Variants in SYNDIG1 observed in about 807,000 individuals in gnomAD.
SYNDIG1 encodes the protein synapse differentiation inducing 1, also known as synapse differentiation-inducing gene protein 1.
A neutral mutation model predicts 19.4 loss-of-function variants in SYNDIG1; 9 were observed. That is an observed-to-expected ratio of 0.46 (90% CI 0.28 to 0.81). The LOEUF is 0.81. Among genes scored for constraint, SYNDIG1 ranks in the 30% least tolerant of loss-of-function variants. The pLI is 0.12. For missense variants in SYNDIG1, 311 were observed against 343.3 expected (o/e 0.91, Z 0.74); for synonymous variants, 141 against 145.9 (o/e 0.97, Z 0.24).
intron 3 of SYNDIG1, among the ~76,000 whole-genome samples, chr20:24,657,239 C>G (rs897703613): frequency 3.3e-5 from 5 of 152,164 alleles, no homozygotes; most frequent in African/African-American, 9.7e-5. Context: ...TAGCAGCTGC[C>G]CGGTCCAGCA....
intron 3 of SYNDIG1, among the ~76,000 whole-genome samples, chr20:24,586,760 A>G (rs1302322489): frequency 6.6e-6 from 1 of 152,214 alleles, no homozygotes; most frequent in East Asian, 1.9e-4. Flanking sequence ...TGCTGGGTGG[A>G]TGGAAGCCCT....
chr20:24,656,130 C>A (rs2059523563), intron 3 of SYNDIG1, among the ~76,000 whole-genome samples: 1 of 152,162 alleles, frequency 6.6e-6, no homozygotes, highest in African/African-American at 2.4e-5. Context: ...GTTCTTAGTG[C>A]CAATGGCTGG....
At chr20:24,489,438 T>C (rs1294006331) in intron 1 of SYNDIG1, among the ~76,000 whole-genome samples, 1 of 149,018 alleles carries the variant, frequency 6.7e-6, no homozygotes, top group African/African-American at 2.5e-5. Flanking sequence ...CATAGATACA[T>C]GCACACACAG....
intron 1 of SYNDIG1, among the ~76,000 whole-genome samples, chr20:24,540,243 T>C (rs1189465939): frequency 6.6e-6 from 1 of 152,276 alleles, no homozygotes; most frequent in East Asian, 1.9e-4. Context: ...TGATTTTTTG[T>C]GTATTAACTT....
chr20:24,511,891 AG>A (rs2056750103), intron 1 of SYNDIG1, among the ~76,000 whole-genome samples: 1 of 151,954 alleles, frequency 6.6e-6, no homozygotes, highest in Non-Finnish European at 1.5e-5. Flanking sequence ...GGCTAGTGTC[AG>A]GGGGCATGTA....
intron 3 of SYNDIG1, among the ~76,000 whole-genome samples, chr20:24,631,618 C>A (rs555299944): frequency 6.6e-6 from 1 of 152,298 alleles, no homozygotes; most frequent in South Asian, 2.1e-4. Context: ...ACTTCCAGAG[C>A]AGAGCTTTAT....
intron 1 of SYNDIG1, among the ~76,000 whole-genome samples, chr20:24,536,669 A>G (rs1012505668): frequency 6.6e-6 from 1 of 152,072 alleles, no homozygotes; most frequent in Admixed American, 6.6e-5. Context: ...TGAGAGGGAC[A>G]AGTGAGAGCC....
intron 2 of SYNDIG1, among the ~76,000 whole-genome samples, chr20:24,578,375 G>A (rs1185643652): frequency 4.0e-5 from 6 of 151,838 alleles, no homozygotes; most frequent in South Asian, 4.2e-4. Flanking sequence ...CCCGGGAGGC[G>A]GAGGTTGCAG....
At chr20:24,545,897 C>T (rs959831711) in intron 2 of SYNDIG1, among the ~76,000 whole-genome samples, 2 of 152,146 alleles carry the variant, frequency 1.3e-5, no homozygotes, top group African/African-American at 4.8e-5. Flanking sequence ...TAAGATGGAG[C>T]ATGTTGGCAT....
intron 2 of SYNDIG1, among the ~76,000 whole-genome samples, chr20:24,556,349 T>G (rs2146838029): frequency 6.6e-6 from 1 of 152,374 alleles, no homozygotes; most frequent in East Asian, 1.9e-4. Context: ...CCTGTCATTA[T>G]GATGTTAGCT....
chr20:24,491,131 A>G (rs538839273), intron 1 of SYNDIG1, among the ~76,000 whole-genome samples: 16 of 152,306 alleles, frequency 1.1e-4, no homozygotes, highest in Non-Finnish European at 2.2e-4. Context: ...TACAGAAAAT[A>G]TGTTTCAATA....
chr20:24,477,991 G>A (rs1303290996), intron 1 of SYNDIG1, among the ~76,000 whole-genome samples: 1 of 152,244 alleles, frequency 6.6e-6, no homozygotes, highest in Non-Finnish European at 1.5e-5. Flanking sequence ...GGCTGGACAA[G>A]AACTCCACCC....
At chr20:24,660,965 T>G (rs1364563753) in intron 3 of SYNDIG1, among the ~76,000 whole-genome samples, 4 of 152,232 alleles carry the variant, frequency 2.6e-5, no homozygotes. Context: ...CCCGCAGTGC[T>G]GGACATGCAT....
rs867095993 is a variant in SYNDIG1, at chr20:24,556,976, C to G, written c.480+13399C>G. On this transcript the variant is annotated intron_variant, in intron 2 of 3. Transcript: ENST00000376862. ...TGTAGATTTGGTCTTTTCACATAGT[C>G]CCATATTTCTTGGAGGTGTTGTTCA... Among the ~76,000 whole-genome samples the G allele has an allele frequency of 2.0e-5, 3 of 152,174 alleles. No homozygotes were observed. In the East Asian group the frequency reaches 5.8e-4, roughly 29 times the overall value.
rs142266562 is a variant in SYNDIG1, at chr20:24,607,157, C to T, written c.618+22164C>T. Reference sequence around the variant, plus strand: ...GTTGGATCACCTGAGGTCAGGAGTTCGAGACCAGCCTGGCCAACATGGCAA... The same window carrying T: ...GTTGGATCACCTGAGGTCAGGAGTTTGAGACCAGCCTGGCCAACATGGCAA... On this transcript the variant is annotated intron_variant, in intron 3 of 3. Coordinates refer to ENST00000376862, the MANE Select transcript of SYNDIG1 (RefSeq NM_024893.3). Among the ~76,000 whole-genome samples, 213 of 152,116 alleles carry T rather than the reference C, an allele frequency of 1.4e-3. 3 individuals carry two copies. The East Asian group carries it at 0.031, about 22-fold the overall frequency.
At chr20:24,590,607 C>T (rs1409114040) in intron 3 of SYNDIG1, among the ~76,000 whole-genome samples, 1 of 152,044 alleles carries the variant, frequency 6.6e-6, no homozygotes, top group African/African-American at 2.4e-5. Flanking sequence ...GTGAATGACC[C>T]CTGGGCTTAG....
intron 3 of SYNDIG1, among the ~76,000 whole-genome samples, chr20:24,586,774 T>G (rs555264202): frequency 1.3e-5 from 2 of 152,274 alleles, no homozygotes; most frequent in African/African-American, 4.8e-5. Context: ...AAGCCCTGGA[T>G]AGATGGCAAG....
At position 24,616,607 on chromosome 20, in the gene SYNDIG1, G is replaced by A. The variant is rs553091353; in HGVS notation, c.618+31614G>A. On this transcript the variant is annotated intron_variant, in intron 3 of 3. Coordinates refer to ENST00000376862, the MANE Select transcript of SYNDIG1 (RefSeq NM_024893.3). ...AGCTGATTTGCGGGGAGCAGCAGCA[G>A]CTCCCAGGAGAAGGCGCAAGGAGGC... is the stretch of plus-strand genomic sequence containing the variant. 1.6e-4 allele frequency among the ~76,000 whole-genome samples: 24 copies of A among 152,368 alleles called. 1 individual carries two copies. In the South Asian group the frequency reaches 4.8e-3, roughly 30 times the overall value.
chr20:24,566,508 C>T (rs13039850), intron 2 of SYNDIG1, among the ~76,000 whole-genome samples: 47,869 of 152,078 alleles, frequency 0.31, 8,011 homozygotes, highest in East Asian at 0.58. Flanking sequence ...GGGTCTAAGG[C>T]GCTGGTGTAC....
Sources: gnomAD v4.1 joint callset for allele counts (sites outside exome capture counted in the v4.1 genomes callset) on GRCh38, gnomAD v4.1.1 for gene constraint, MANE v1.5 for transcripts, NCBI Gene and HGNC (gene_info 2026-07-23, HGNC 2026-07-21) for gene names.